The following NT5DC1 variants were observed in gnomAD, a reference collection of about 807,000 sequenced individuals.
NT5DC1 encodes 5'-nucleotidase domain containing 1, also known as 5'-nucleotidase domain-containing protein 1.
Under a neutral mutation model 59.4 loss-of-function variants are expected in NT5DC1, and 42 were observed. The observed-to-expected ratio is 0.71, with a 90% CI of 0.55 to 0.92. The LOEUF is 0.92. Ranked by LOEUF, NT5DC1 falls within the 40% of genes least tolerant of loss-of-function variation. The pLI is 0.00. For missense variants in NT5DC1, 501 were observed against 537.1 expected (o/e 0.93, Z 0.66); for synonymous variants, 172 against 188.1 (o/e 0.91, Z 0.70).
At chr6:116,236,787 G>A (rs988222993) in intron 8 of NT5DC1, among the ~76,000 whole-genome samples, 179 bp from the exon 9 acceptor site, 1 of 152,050 alleles carries the variant, frequency 6.6e-6, no homozygotes, top group Non-Finnish European at 1.5e-5. Flanking sequence ...GAAGGCCACG[G>A]GATTAAAAAG....
At chr6:116,240,542 A>AGGAGATGAGAGAATAAG (rs1267322963) in intron 11 of NT5DC1, among the ~76,000 whole-genome samples, 3 of 152,112 alleles carry the variant, frequency 2.0e-5, no homozygotes, top group African/African-American at 7.2e-5. Flanking sequence ...TTGGAGTCCC[A>AGGAGATGAGAGAATAAG]GGAGATGAGA....
intron 6 of NT5DC1, among the ~76,000 whole-genome samples, chr6:116,165,379 C>T (rs1780439153): frequency 6.6e-6 from 1 of 152,240 alleles, no homozygotes; most frequent in South Asian, 2.1e-4. Context: ...ATTTCTATAT[C>T]TCTAACAAGA....
At position 116,110,928 on chromosome 6, in the gene NT5DC1, G is replaced by A; in HGVS notation, c.336G>A (p.Leu112=). ...GCAAGAAAGAGTGGAAGCACTTCTT[G>A]TCGGACACTGGAATGGCTTGCCGCT... The part of the protein sequence containing the change: ...AYGKKEWKHF[L]SDTGMACRSG... The change falls in exon 4 of 12, where the codon TTG becomes TTA. Residue 112 remains leucine, a synonymous_variant. Transcript: ENST00000319550. 1.2e-6 allele frequency: 2 copies of A among 1,613,480 alleles called. No individual in the cohort carries two copies. Among genetic ancestry groups the A allele is most frequent in the Non-Finnish European group, 1.7e-6 (2 of 1,179,408 alleles).
chr6:116,164,396 G>A (rs556364312), intron 6 of NT5DC1, among the ~76,000 whole-genome samples: 2 of 152,122 alleles, frequency 1.3e-5, no homozygotes, highest in Admixed American at 1.3e-4. Context: ...TCTGACATAA[G>A]AATAGCAACC....
At chr6:116,231,150 C>CCCG (rs2114553000) in intron 8 of NT5DC1, among the ~76,000 whole-genome samples, 1 of 141,768 alleles carries the variant, frequency 7.1e-6, no homozygotes, top group East Asian at 2.2e-4. Flanking sequence ...ATGGTAAATC[C>CCCG]CCCCCCCAAA....
chr6:116,238,482 AAAG>A, intron 10 of NT5DC1, 134 bp downstream of exon 10: 1 of 444,558 alleles, frequency 2.2e-6, no homozygotes, highest in Non-Finnish European at 3.7e-6. Flanking sequence ...AAAAAAAAAA[AAAG>A]AGACTAATAA....
chr6:116,178,110 CGTGTGTGTGT>C (rs368898636), intron 6 of NT5DC1, among the ~76,000 whole-genome samples: 95 of 117,562 alleles, frequency 8.1e-4, no homozygotes, highest in African/African-American at 2.8e-3. Flanking sequence ...CGCGTGCGTG[CGTGTGTGTGT>C]GTGTGTGTGT....
chr6:116,239,519 G>A (rs1307985606), intron 11 of NT5DC1, among the ~76,000 whole-genome samples: 1 of 152,228 alleles, frequency 6.6e-6, no homozygotes, highest in African/African-American at 2.4e-5. Context: ...AACTGGAGGA[G>A]AGGGCCTGCC....
intron 6 of NT5DC1, among the ~76,000 whole-genome samples, chr6:116,216,264 A>G (rs1227968766): frequency 6.6e-6 from 1 of 152,104 alleles, no homozygotes; most frequent in East Asian, 1.9e-4. Flanking sequence ...AGAGCCTGTG[A>G]TTTCCAATGA....
At chr6:116,112,744 T>C (rs1000426573) in intron 4 of NT5DC1, among the ~76,000 whole-genome samples, 2 of 152,258 alleles carry the variant, frequency 1.3e-5, no homozygotes, top group Non-Finnish European at 2.9e-5. Flanking sequence ...ATTTTGCACT[T>C]TCATACATAT....
rs189056172 is a variant in NT5DC1 at position 116,139,493 on chromosome 6, A to G, written c.529+21548A>G. 2.6e-3 allele frequency among the ~76,000 whole-genome samples: 394 copies of G among 152,284 alleles called. 10 individuals are homozygous for G. The South Asian group carries it at 0.043, about 17-fold the overall frequency. On this transcript the variant is annotated intron_variant, in intron 6 of 11. Coordinates refer to ENST00000319550, the MANE Select transcript of NT5DC1 (RefSeq NM_152729.3). ...AAAATTCTTGTACATTTTAATACAC[A>G]TTGTATACTACAGTGTAATGATATT...
intron 6 of NT5DC1, among the ~76,000 whole-genome samples, chr6:116,201,608 A>G (rs968042711): frequency 1.1e-4 from 16 of 152,138 alleles, no homozygotes; most frequent in African/African-American, 3.6e-4. Context: ...TAAAGATAAT[A>G]GGGCAAACAA....
intron 1 of NT5DC1, 108 bp downstream of exon 1, chr6:116,101,131 G>A: frequency 3.9e-6 from 3 of 761,086 alleles, no homozygotes; most frequent in Non-Finnish European, 4.1e-6. Flanking sequence ...GGCCTGCGGC[G>A]GCCGAGTCTT....
At chr6:116,241,383 A>G (rs1771711731) in intron 11 of NT5DC1, among the ~76,000 whole-genome samples, 1 of 152,212 alleles carries the variant, frequency 6.6e-6, no homozygotes, top group Non-Finnish European at 1.5e-5. Flanking sequence ...GGATTTACAT[A>G]GAGAATTAAA....
intron 6 of NT5DC1, among the ~76,000 whole-genome samples, chr6:116,140,509 G>A (rs1443266246): frequency 1.3e-5 from 2 of 152,038 alleles, no homozygotes; most frequent in African/African-American, 4.8e-5. Context: ...TTAATTCAAT[G>A]AACACATGTA....
At chr6:116,123,957 T>C (rs1779213542) in intron 6 of NT5DC1, among the ~76,000 whole-genome samples, 1 of 152,216 alleles carries the variant, frequency 6.6e-6, no homozygotes, top group Non-Finnish European at 1.5e-5. Flanking sequence ...ATGGAAACTA[T>C]TGAATCCAGT....
At position 116,238,359 on chromosome 6, in the gene NT5DC1, C is replaced by G. The variant is rs752215375; in HGVS notation, c.1083+11C>G. On this transcript the variant is annotated intron_variant, in intron 10 of 11. Coordinates refer to ENST00000319550, the MANE Select transcript of NT5DC1 (RefSeq NM_152729.3). ...AAAGGAAAATATGAGGTAAGGGTTC[C>G]CTGCAGCTCTTTCCTTGAAAGACAA... 31 of 1,543,724 alleles carry G rather than the reference C, an allele frequency of 2.0e-5. No individual in the cohort carries two copies. The South Asian group carries it at 3.8e-4, about 19-fold the overall frequency.
intron 6 of NT5DC1, among the ~76,000 whole-genome samples, chr6:116,181,096 A>T (rs1211346138): frequency 1.3e-5 from 2 of 152,066 alleles, no homozygotes; most frequent in Non-Finnish European, 1.5e-5. Context: ...GAGGTACACG[A>T]GATACATATA....
intron 6 of NT5DC1, among the ~76,000 whole-genome samples, chr6:116,183,126 A>AG (rs1780923974): frequency 6.6e-6 from 1 of 152,128 alleles, no homozygotes; most frequent in African/African-American, 2.4e-5. Context: ...TTTGTTGAAT[A>AG]GGGTATCCTT....
Sources: gnomAD v4.1 joint callset for allele counts (sites outside exome capture counted in the v4.1 genomes callset) on GRCh38, gnomAD v4.1.1 for gene constraint, MANE v1.5 for transcripts, NCBI Gene and HGNC (gene_info 2026-07-23, HGNC 2026-07-21) for gene names.